TANC1: variants seen among roughly 807,000 people sequenced by gnomAD.
The protein encoded by TANC1 is tetratricopeptide repeat, ankyrin repeat and coiled-coil containing 1.
A neutral mutation model predicts 149.7 loss-of-function variants in TANC1; 77 were observed. The observed-to-expected ratio is 0.51, with a 90% CI of 0.43 to 0.62. TANC1 has a LOEUF of 0.62. Among genes scored for constraint, TANC1 ranks in the 20% least tolerant of loss-of-function variants. TANC1 has a pLI of 0.00. For missense variants in TANC1, 1,985 were observed against 2,321.8 expected, an observed-to-expected ratio of 0.85 and a Z score of 2.98; for synonymous variants, 854 against 925.0, an observed-to-expected ratio of 0.92 and a Z score of 1.39.
rs758674456 is a variant in TANC1 at position 159,228,906 on chromosome 2, G to A, written c.4151+10G>A. ...CGAAGAGAAATAGCAGGTACCGTCT[G>A]TGGTTATCTTTGTGTCTAGAGCTTT... is the stretch of plus-strand genomic sequence containing the variant. On this transcript the variant is annotated intron_variant, in intron 26 of 26. Transcript: ENST00000263635. 32 of 1,607,766 alleles carry A rather than the reference G, an allele frequency of 2.0e-5. No homozygotes were observed. The highest frequency in any genetic ancestry group is 2.6e-5 in the Non-Finnish European group (31 of 1,174,344).
At chr2:159,178,163 C>CTT (rs1369059022) in intron 13 of TANC1, among the ~76,000 whole-genome samples, 79 of 152,332 alleles carry the variant, frequency 5.2e-4, no homozygotes, top group African/African-American at 1.8e-3. Context: ...CTTAGATGTG[C>CTT]AGTGTTGGTT....
At chr2:159,052,570 ATTG>A (rs925152841) in intron 2 of TANC1, among the ~76,000 whole-genome samples, 20 of 152,330 alleles carry the variant, frequency 1.3e-4, no homozygotes, top group African/African-American at 4.8e-4. Context: ...ACAAACTTCT[ATTG>A]TTTATAAATT....
At chr2:159,016,773 ACT>A (rs2038319077) in intron 2 of TANC1, among the ~76,000 whole-genome samples, 3 of 151,894 alleles carry the variant, frequency 2.0e-5, no homozygotes, top group East Asian at 1.9e-4. Context: ...ACAGGGTTTC[ACT>A]GTGTTAGCCA....
intron 4 of TANC1, among the ~76,000 whole-genome samples, chr2:159,134,346 C>T (rs1336806368): frequency 6.6e-6 from 1 of 152,182 alleles, no homozygotes; most frequent in Non-Finnish European, 1.5e-5. Flanking sequence ...ACCCTGTCGC[C>T]CAGGCTAGAA....
At chr2:159,208,454 A>G (rs2058768232) in intron 19 of TANC1, among the ~76,000 whole-genome samples, 1 of 152,196 alleles carries the variant, frequency 6.6e-6, no homozygotes, top group South Asian at 2.1e-4. Context: ...TTTAATCTTG[A>G]ATGCACATAC....
chr2:159,061,625 C>T (rs1274522673), intron 2 of TANC1, among the ~76,000 whole-genome samples: 2 of 152,162 alleles, frequency 1.3e-5, no homozygotes, highest in Non-Finnish European at 2.9e-5. Flanking sequence ...TCTGAAGGCT[C>T]TTGTGTCATG....
At chr2:159,208,993 T>C (rs2058812099) in intron 19 of TANC1, among the ~76,000 whole-genome samples, 1 of 152,204 alleles carries the variant, frequency 6.6e-6, no homozygotes, top group Admixed American at 6.5e-5. Flanking sequence ...ATAGAGAAGG[T>C]ATAAAAATAT....
At chr2:158,980,602 C>T (rs984179680) in intron 1 of TANC1, among the ~76,000 whole-genome samples, 1 of 151,910 alleles carries the variant, frequency 6.6e-6, no homozygotes, top group African/African-American at 2.4e-5. Context: ...CGGTGAAACC[C>T]CGTCTCTACT....
intron 7 of TANC1, among the ~76,000 whole-genome samples, chr2:159,159,899 T>C (rs2053869730): frequency 6.6e-6 from 1 of 152,116 alleles, no homozygotes; most frequent in South Asian, 2.1e-4. Context: ...TGTGTGCCTA[T>C]AGTCCCAGCT....
chr2:159,002,519 A>G (rs2036710065), intron 2 of TANC1, among the ~76,000 whole-genome samples: 1 of 150,486 alleles, frequency 6.6e-6, no homozygotes, highest in Admixed American at 6.6e-5. Context: ...AAATGCATAC[A>G]TGAGGAAATA....
chr2:158,971,419 A>T (rs992154329), intron 1 of TANC1, among the ~76,000 whole-genome samples: 2 of 152,220 alleles, frequency 1.3e-5, no homozygotes, highest in African/African-American at 4.8e-5. Flanking sequence ...TTTATGATAA[A>T]ATAAAGTTTG....
intron 1 of TANC1, among the ~76,000 whole-genome samples, chr2:158,987,137 C>T (rs2035089029): frequency 1.3e-5 from 2 of 149,584 alleles, no homozygotes; most frequent in South Asian, 4.2e-4. Context: ...TCGCTTGAAC[C>T]CAAGAGTCGG....
chr2:159,126,280 T>G (rs56340157), intron 4 of TANC1, among the ~76,000 whole-genome samples: 36,226 of 152,146 alleles, frequency 0.24, 5,702 homozygotes, highest in Non-Finnish European at 0.36. Context: ...CATCAGGGAC[T>G]TAACAATTCC....
At chr2:158,969,206 G>A (rs2032444379) in intron 1 of TANC1, among the ~76,000 whole-genome samples, 1 of 152,300 alleles carries the variant, frequency 6.6e-6, no homozygotes, top group African/African-American at 2.4e-5. Context: ...CCTGGGCTAC[G>A]CCTGGTACCT....
At chr2:159,143,072 A>AAAAAAC (rs1553573299) in intron 5 of TANC1, among the ~76,000 whole-genome samples, 28,504 of 114,818 alleles carry the variant, frequency 0.25, 3,333 homozygotes, top group South Asian at 0.4. Context: ...CAAAAAAAAA[A>AAAAAAC]AAAAAACAAC....
rs141420153 is a variant in TANC1 at position 159,161,973 on chromosome 2, A to C, written c.683-1310A>C. On this transcript the variant is annotated intron_variant, in intron 7 of 26. Transcript: ENST00000263635. ...AGGAAAAGATAGCCATGGATACTCTAGGGAAGGCTTCAGCATTTATGTGGG... is the reference window on the plus strand; with the variant it reads ...AGGAAAAGATAGCCATGGATACTCTCGGGAAGGCTTCAGCATTTATGTGGG... Among the ~76,000 whole-genome samples, 676 of 152,368 alleles carry C rather than the reference A, an allele frequency of 4.4e-3. 11 individuals are homozygous for C. Among genetic ancestry groups the C allele is most frequent in the Middle Eastern group, 6.8e-3 (2 of 294 alleles).
chr2:159,135,731 A>C (rs1574894438), intron 4 of TANC1, among the ~76,000 whole-genome samples: 1 of 152,180 alleles, frequency 6.6e-6, no homozygotes, highest in East Asian at 1.9e-4. Context: ...GGCTGTTTGT[A>C]ATCCTTGCCT....
At position 159,163,457 on chromosome 2, in the gene TANC1, C is replaced by G. The variant is rs1463761601; in HGVS notation, c.857C>G (p.Pro286Arg). The G allele has an allele frequency of 3.1e-6, 5 of 1,613,882 alleles. No individual in the cohort carries two copies. The highest frequency in any genetic ancestry group is 2.2e-5 in the East Asian group (1 of 44,896). ...ACCGGGTCAGCAGAGAGCACGCTGC[C>G]CAAAGCAGAATCCTCAGCTGGAGAT... is the stretch of plus-strand genomic sequence containing the variant. Reference protein sequence around the residue: ...ETTGSAESTLPKAESSAGDGP... With the variant: ...ETTGSAESTLRKAESSAGDGP... The change falls in exon 8 of 27, where the codon CCC becomes CGC. Residue 286 changes from proline (P) to arginine (R), a missense_variant. Around this residue, in one of 3 missense-constraint regions of TANC1, gnomAD observed 557 missense variants for 612.9 expected, o/e 0.91. Transcript: ENST00000263635.
chr2:159,141,776 T>C (rs1232628377), intron 5 of TANC1, among the ~76,000 whole-genome samples: 1 of 152,094 alleles, frequency 6.6e-6, no homozygotes, highest in African/African-American at 2.4e-5. Flanking sequence ...TGGTATTTCA[T>C]TTATGAGCTG....
Sources: allele counts gnomAD v4.1 joint callset (sites outside exome capture counted in the v4.1 genomes callset), GRCh38; gene constraint gnomAD v4.1.1; regional missense constraint gnomAD v4.1.1; transcripts MANE v1.5; gene names NCBI Gene and HGNC (gene_info 2026-07-23, HGNC 2026-07-21).